Variants in FAAH2 observed in about 807,000 individuals in gnomAD.
FAAH2 encodes the protein fatty-acid amide hydrolase 2.
FAAH2 carries 60 observed loss-of-function variants against 36.9 expected under a neutral mutation model. The observed-to-expected ratio is 1.63, with a 90% CI of 1.32 to 2.02. The LOEUF (loss-of-function observed/expected upper bound fraction) is 2.02. Among genes scored for constraint, FAAH2 ranks in the 30% most tolerant of loss-of-function variants. The pLI is 0.00. For missense variants in FAAH2, 689 were observed against 397.5 expected (o/e 1.73, Z -6.23); for synonymous variants, 214 against 143.8 (o/e 1.49, Z -3.49).
intron 2 of FAAH2, among the ~76,000 whole-genome samples, chrX:57,300,050 C>G (rs2052296017): frequency 9.0e-6 from 1 of 111,551 alleles, no homozygotes; most frequent in African/African-American, 3.3e-5. Flanking sequence ...TTTATAGATT[C>G]AATGCCATCC....
intron 3 of FAAH2, among the ~76,000 whole-genome samples, chrX:57,330,518 G>T (rs1388167780): frequency 1.8e-5 from 2 of 111,467 alleles, no homozygotes; most frequent in East Asian, 5.7e-4. Flanking sequence ...GAGGTCCTGT[G>T]ATCTTGCCCT....
At chrX:57,480,535 G>T (rs866967312) in intron 10 of FAAH2, among the ~76,000 whole-genome samples, 1 of 111,294 alleles carries the variant, frequency 9.0e-6, no homozygotes, top group African/African-American at 3.3e-5. Context: ...GTTTGGAAAC[G>T]ATTTTCTTTA....
chrX:57,429,723 C>G (rs181163495), intron 7 of FAAH2, among the ~76,000 whole-genome samples: 12 of 112,103 alleles, frequency 1.1e-4, no homozygotes, highest in Non-Finnish European at 9.4e-5. Flanking sequence ...AGGATATCTA[C>G]ACTCATGTGT....
At chrX:57,224,609 C>T in the FAAH2 span, among the ~76,000 whole-genome samples, 1 of 112,069 alleles carries the variant, frequency 8.9e-6, no homozygotes, top group Non-Finnish European at 1.9e-5. Flanking sequence ...GACACCTACT[C>T]TGGCTGGAAG....
At chrX:57,189,809 A>T in the FAAH2 span, among the ~76,000 whole-genome samples, 1 of 111,846 alleles carries the variant, frequency 8.9e-6, no homozygotes, top group African/African-American at 3.2e-5. Context: ...GCTCTCTTGT[A>T]TGAGGTGTCT....
At chrX:57,419,216 C>A (rs2055936832) in intron 7 of FAAH2, among the ~76,000 whole-genome samples, 1 of 111,002 alleles carries the variant, frequency 9.0e-6, no homozygotes, top group Admixed American at 9.6e-5. Context: ...GATTTATAGT[C>A]CTTTGGGTAT....
the FAAH2 span, among the ~76,000 whole-genome samples, chrX:57,279,786 TA>T: frequency 1.8e-5 from 2 of 111,712 alleles, no homozygotes; most frequent in Non-Finnish European, 3.8e-5. Context: ...TCAGTACAAT[TA>T]AACATTCCTT....
chrX:57,189,929 C>T, the FAAH2 span, among the ~76,000 whole-genome samples: 2 of 112,079 alleles, frequency 1.8e-5, no homozygotes, highest in Non-Finnish European at 3.8e-5. Flanking sequence ...CTAGGAGAAC[C>T]GTATTTGTCA....
chrX:57,168,062 T>A, the FAAH2 span, among the ~76,000 whole-genome samples: 1 of 112,220 alleles, frequency 8.9e-6, no homozygotes, highest in Admixed American at 9.5e-5. Flanking sequence ...TTTAAATGAT[T>A]ACTTTTAGTA....
At chrX:57,294,720 C>T (rs940404550) in intron 2 of FAAH2, among the ~76,000 whole-genome samples, 8 of 111,509 alleles carry the variant, frequency 7.2e-5, no homozygotes, top group African/African-American at 2.6e-4. Context: ...CCCACCTCTC[C>T]TTTATTTGGC....
the FAAH2 span, among the ~76,000 whole-genome samples, chrX:57,159,473 C>T: frequency 3.6e-5 from 4 of 111,431 alleles, no homozygotes; most frequent in Non-Finnish European, 7.5e-5. Flanking sequence ...TACCCATGAG[C>T]ATGGAATGTT....
chrX:57,190,444 GAAAAAA>G, the FAAH2 span, among the ~76,000 whole-genome samples: 1 of 68,976 alleles, frequency 1.4e-5, no homozygotes, highest in Non-Finnish European at 2.8e-5. Context: ...CACTGTGGTA[GAAAAAA>G]AAAAAAAAAA....
At chrX:57,390,649 G>C (rs2055143321) in intron 7 of FAAH2, among the ~76,000 whole-genome samples, 1 of 111,272 alleles carries the variant, frequency 9.0e-6, no homozygotes, top group African/African-American at 3.3e-5. Context: ...TGGTTGCAAA[G>C]GGCATGCTTT....
chrX:57,447,866 G>A (rs999170966), intron 9 of FAAH2, among the ~76,000 whole-genome samples: 1 of 112,285 alleles, frequency 8.9e-6, no homozygotes, highest in South Asian at 3.7e-4. Flanking sequence ...TTTCTCCATT[G>A]TCTTGGAGAT....
chrX:57,369,829 T>C (rs2054508082), intron 5 of FAAH2, among the ~76,000 whole-genome samples: 1 of 111,963 alleles, frequency 8.9e-6, no homozygotes, highest in Non-Finnish European at 1.9e-5. Context: ...AGTAATATAA[T>C]TTTTCAAATC....
intron 1 of FAAH2, among the ~76,000 whole-genome samples, chrX:57,290,484 A>G (rs1311822106): frequency 9.0e-6 from 1 of 111,551 alleles, no homozygotes; most frequent in Admixed American, 9.6e-5. Flanking sequence ...AGTACATGTA[A>G]CTTTCTTTTA....
chrX:57,154,345 A>G, the FAAH2 span, among the ~76,000 whole-genome samples: 2 of 105,961 alleles, frequency 1.9e-5, 1 homozygote, highest in South Asian at 8.8e-4. Context: ...GCTCATTGCA[A>G]CCTTTGCTCC....
At chrX:57,421,517 T>C (rs1446385225) in intron 7 of FAAH2, among the ~76,000 whole-genome samples, 1 of 111,787 alleles carries the variant, frequency 8.9e-6, no homozygotes, top group Non-Finnish European at 1.9e-5. Flanking sequence ...GTGAAGGCTC[T>C]CTTCCTGGCT....
upstream of FAAH2, among the ~76,000 whole-genome samples, chrX:57,284,457 A>G (rs1476873147): frequency 8.9e-6 from 1 of 112,206 alleles, no homozygotes; most frequent in Non-Finnish European, 1.9e-5. Flanking sequence ...TTTAAAAAGC[A>G]GGAAATTTAA....
Sources: allele counts gnomAD v4.1 joint callset (sites outside exome capture counted in the v4.1 genomes callset), GRCh38; gene constraint gnomAD v4.1.1; transcripts MANE v1.5; gene names NCBI Gene and HGNC (gene_info 2026-07-23, HGNC 2026-07-21).